ASTN2: variants seen among roughly 807,000 people sequenced by gnomAD.
ASTN2 encodes astrotactin-2.
A neutral mutation model predicts 139.8 loss-of-function variants in ASTN2; 54 were observed. That is an observed-to-expected ratio of 0.39 (90% CI 0.31 to 0.48). ASTN2 has a LOEUF of 0.48. Among genes scored for constraint, ASTN2 ranks in the 20% least tolerant of loss-of-function variants. The pLI is 0.95. For missense variants in ASTN2, 1,565 were observed against 1,725.1 expected (o/e 0.91, Z 1.64); for synonymous variants, 756 against 719.5 (o/e 1.05, Z -0.81).
intron 20 of ASTN2, among the ~76,000 whole-genome samples, chr9:116,475,414 A>T (rs1398301294): frequency 6.8e-6 from 1 of 147,120 alleles, no homozygotes; most frequent in Non-Finnish European, 1.5e-5. Context: ...TGCCCTGAGC[A>T]TGGGGCTCTC....
rs929869488 is a variant in ASTN2 at position 116,423,765 on chromosome 9, C to G, written c.*2086G>C. Among the ~76,000 whole-genome samples, 1 of 151,986 alleles carries G rather than the reference C, an allele frequency of 6.6e-6. No homozygotes were observed. Among genetic ancestry groups the G allele is most frequent in the Admixed American group, 6.6e-5 (1 of 15,262 alleles). ...GAAGAATCTCTTTCTGCTTTGTTTT[C>G]TTTTGTGTTACCCATTTTCCCCATA... is the stretch of plus-strand genomic sequence containing the variant. On this transcript the variant is annotated 3_prime_UTR_variant, in exon 23 of 23. Coordinates refer to ENST00000313400, the MANE Select transcript of ASTN2 (RefSeq NM_001365068.1).
chr9:117,000,926 AC>A (rs1237231511), intron 7 of ASTN2, among the ~76,000 whole-genome samples: 9 of 152,086 alleles, frequency 5.9e-5, no homozygotes, highest in Non-Finnish European at 1.2e-4. Flanking sequence ...TTAACAGTCA[AC>A]TCTCATGATG....
At chr9:117,175,719 G>A (rs1344417543) in intron 3 of ASTN2, among the ~76,000 whole-genome samples, 1 of 152,000 alleles carries the variant, frequency 6.6e-6, no homozygotes, top group Non-Finnish European at 1.5e-5. Context: ...AGCAAACAAA[G>A]TCCATGGTTA....
intron 4 of ASTN2, among the ~76,000 whole-genome samples, chr9:117,120,018 G>GTGTGTGTGTA (rs1306397698): frequency 3.5e-4 from 16 of 45,996 alleles, no homozygotes; most frequent in African/African-American, 9.8e-4. Context: ...GTGTGTGTGT[G>GTGTGTGTGTA]TATATATATA....
At chr9:117,347,174 G>A (rs902063835) in intron 1 of ASTN2, among the ~76,000 whole-genome samples, 2 of 152,024 alleles carry the variant, frequency 1.3e-5, no homozygotes, top group African/African-American at 4.8e-5. Flanking sequence ...GGCACATGCA[G>A]TGTTTCTCCA....
chr9:116,520,409 A>T (rs1850817992), intron 19 of ASTN2, among the ~76,000 whole-genome samples: 1 of 152,178 alleles, frequency 6.6e-6, no homozygotes, highest in Non-Finnish European at 1.5e-5. Context: ...TCACGTGATC[A>T]TCTCAATAGA....
At chr9:117,413,462 C>T (rs540525521) in intron 1 of ASTN2, among the ~76,000 whole-genome samples, 58 of 152,326 alleles carry the variant, frequency 3.8e-4, no homozygotes, top group African/African-American at 1.3e-3. Flanking sequence ...GGCCCCGCGC[C>T]CCCAAGAGGG....
intron 1 of ASTN2, among the ~76,000 whole-genome samples, chr9:117,362,967 C>A (rs1057029733): frequency 6.6e-6 from 1 of 152,182 alleles, no homozygotes; most frequent in Non-Finnish European, 1.5e-5. Context: ...TCTTCCTACC[C>A]TCTTGGTGTG....
At chr9:117,397,201 C>A (rs932330017) in intron 1 of ASTN2, among the ~76,000 whole-genome samples, 2 of 152,064 alleles carry the variant, frequency 1.3e-5, no homozygotes, top group African/African-American at 2.4e-5. Context: ...TGAGCCACAG[C>A]GCCTGGCCCA....
chr9:117,169,023 A>G (rs1290694323), intron 3 of ASTN2, among the ~76,000 whole-genome samples: 1 of 152,134 alleles, frequency 6.6e-6, no homozygotes, highest in Non-Finnish European at 1.5e-5. Context: ...ACATGGGGAT[A>G]ATAGCGCTTA....
intron 10 of ASTN2, among the ~76,000 whole-genome samples, chr9:116,892,258 T>C (rs1439273074): frequency 6.6e-6 from 1 of 152,240 alleles, no homozygotes; most frequent in Non-Finnish European, 1.5e-5. Flanking sequence ...TCTTCACATA[T>C]AATTCTTGAT....
intron 16 of ASTN2, chr9:116,697,438 G>C (rs1181736811): frequency 2.6e-6 from 1 of 378,358 alleles, no homozygotes; most frequent in Non-Finnish European, 5.0e-6. Flanking sequence ...AGCTAAGTAA[G>C]TGTCTGAGAC....
At chr9:117,206,437 A>G (rs1320701979) in intron 3 of ASTN2, among the ~76,000 whole-genome samples, 1 of 152,162 alleles carries the variant, frequency 6.6e-6, no homozygotes, top group Non-Finnish European at 1.5e-5. Flanking sequence ...GAATTTATAC[A>G]GCTGCACTGT....
intron 1 of ASTN2, among the ~76,000 whole-genome samples, chr9:117,394,403 T>C (rs994156245): frequency 4.6e-5 from 7 of 152,174 alleles, no homozygotes; most frequent in African/African-American, 1.7e-4. Context: ...ATATGCTCAA[T>C]AGCCACATAT....
intron 2 of ASTN2, among the ~76,000 whole-genome samples, chr9:117,248,921 A>C (rs1268128689): frequency 1.3e-5 from 2 of 152,152 alleles, no homozygotes; most frequent in African/African-American, 4.8e-5. Flanking sequence ...GCTGATGATG[A>C]GGTTCGGGGC....
In ASTN2 at chr9:116,698,540, T is replaced by G. The variant is rs1588216749; in HGVS notation, c.2806+27231A>C. The G allele has an allele frequency of 6.2e-7, 1 of 1,613,926 alleles. No homozygotes were observed. The highest frequency in any genetic ancestry group is 8.5e-7 in the Non-Finnish European group (1 of 1,180,014). On this transcript the variant is annotated intron_variant, in intron 16 of 22. Transcript: ENST00000313400. This position sits in a 1 kb window ranked among gnomAD's most constrained non-coding sequence, Gnocchi z 4.4. The stretch of plus-strand genomic sequence containing the variant: ...CTGATGAGGAGGAGCCAGAGCTCAC[T>G]GCCAGCTTGCCTCGGGAGCTCACCC...
intron 6 of ASTN2, among the ~76,000 whole-genome samples, chr9:117,028,679 T>C (rs1159921772): frequency 1.3e-5 from 2 of 152,150 alleles, no homozygotes; most frequent in East Asian, 3.9e-4. Context: ...AATGGCAACT[T>C]GTGGGCTCAG....
At chr9:116,454,141 G>A (rs973405376) in intron 20 of ASTN2, among the ~76,000 whole-genome samples, 2 of 152,160 alleles carry the variant, frequency 1.3e-5, no homozygotes, top group African/African-American at 4.8e-5. Flanking sequence ...CACTGACAAT[G>A]AATTCTATAA....
At chr9:117,162,883 T>A (rs777824241) in intron 3 of ASTN2, among the ~76,000 whole-genome samples, 1 of 151,986 alleles carries the variant, frequency 6.6e-6, no homozygotes, top group East Asian at 1.9e-4. Flanking sequence ...AATGAACACA[T>A]GGGAACATGC....
Sources: allele counts gnomAD v4.1 joint callset (sites outside exome capture counted in the v4.1 genomes callset), GRCh38; gene constraint gnomAD v4.1.1; non-coding constraint Gnocchi (gnomAD v3.1); transcripts MANE v1.5; gene names NCBI Gene and HGNC (gene_info 2026-07-23, HGNC 2026-07-21).